NALF1: variants seen among roughly 807,000 people sequenced by gnomAD.
The protein encoded by NALF1 is family with sequence similarity 155 member A.
Under a neutral mutation model 48.4 loss-of-function variants are expected in NALF1, and 3 were observed. The ratio of observed to expected loss-of-function variants is 0.06; its 90% CI spans 0.03 to 0.16. NALF1 has a LOEUF of 0.16. Among genes scored for constraint, NALF1 ranks in the 10% least tolerant of loss-of-function variants. The pLI is 1.00. For missense variants in NALF1, 526 were observed against 571.5 expected (o/e 0.92, Z 0.81); for synonymous variants, 262 against 245.7 (o/e 1.07, Z -0.62).
chr13:107,834,741 C>T (rs1452816136), intron 1 of NALF1, among the ~76,000 whole-genome samples: 1 of 152,194 alleles, frequency 6.6e-6, no homozygotes, highest in African/African-American at 2.4e-5. Flanking sequence ...TATTTCAACT[C>T]TGCTAAGGTA....
chr13:107,599,378 C>T (rs938159919), intron 1 of NALF1, among the ~76,000 whole-genome samples: 7 of 150,100 alleles, frequency 4.7e-5, no homozygotes, highest in Non-Finnish European at 8.9e-5. Flanking sequence ...GCCAAGATTG[C>T]GCCACTGCAC....
intron 2 of NALF1, among the ~76,000 whole-genome samples, chr13:107,175,342 C>T (rs1878905773): frequency 6.6e-6 from 1 of 152,058 alleles, no homozygotes; most frequent in African/African-American, 2.4e-5. Flanking sequence ...CTCTTTCTTC[C>T]ATTGCATCTC....
chr13:107,782,976 A>G (rs1877951242), intron 1 of NALF1, among the ~76,000 whole-genome samples: 1 of 135,044 alleles, frequency 7.4e-6, no homozygotes, highest in Admixed American at 7.3e-5. Flanking sequence ...GTGGGGGGTC[A>G]GCCCCCCGCC....
chr13:107,305,150 C>T (rs1376654084), intron 1 of NALF1, among the ~76,000 whole-genome samples: 1 of 152,162 alleles, frequency 6.6e-6, no homozygotes, highest in African/African-American at 2.4e-5. Flanking sequence ...TAAATCATAC[C>T]TCATTGCAGA....
chr13:107,463,125 C>A (rs149108835), intron 1 of NALF1, among the ~76,000 whole-genome samples: 2 of 152,100 alleles, frequency 1.3e-5, no homozygotes, highest in Non-Finnish European at 2.9e-5. Context: ...TTCATCTCTG[C>A]GTATCTACTA....
intron 1 of NALF1, among the ~76,000 whole-genome samples, chr13:107,333,625 A>G (rs535070127): frequency 6.6e-6 from 1 of 152,344 alleles, no homozygotes; most frequent in South Asian, 2.1e-4. Flanking sequence ...CAACTATAAA[A>G]TCAGCGAACA....
At chr13:107,318,450 T>A (rs1882191886) in intron 1 of NALF1, among the ~76,000 whole-genome samples, 2 of 152,106 alleles carry the variant, frequency 1.3e-5, no homozygotes. Flanking sequence ...TGAGTACCAC[T>A]TTTTTCAAAC....
intron 1 of NALF1, among the ~76,000 whole-genome samples, chr13:107,287,348 C>T (rs1033925666): frequency 9.2e-5 from 14 of 152,156 alleles, no homozygotes; most frequent in Non-Finnish European, 5.9e-5. Flanking sequence ...ATTTGCTTTA[C>T]AAATACTTTC....
intron 1 of NALF1, among the ~76,000 whole-genome samples, chr13:107,849,110 C>A (rs1880247131): frequency 6.6e-6 from 1 of 152,166 alleles, no homozygotes; most frequent in South Asian, 2.1e-4. Context: ...GTAATTAGAG[C>A]ATAATGATGA....
At chr13:107,330,788 C>T (rs1335067654) in intron 1 of NALF1, among the ~76,000 whole-genome samples, 1 of 152,156 alleles carries the variant, frequency 6.6e-6, no homozygotes, top group African/African-American at 2.4e-5. Flanking sequence ...AAATTCAAAC[C>T]CTGTCATGAG....
chr13:107,198,834 C>G (rs917840731), intron 2 of NALF1, among the ~76,000 whole-genome samples: 3 of 152,166 alleles, frequency 2.0e-5, no homozygotes, highest in African/African-American at 7.2e-5. Flanking sequence ...TCATCTTCTT[C>G]CTACATCTAT....
chr13:107,615,007 G>A (rs1879340941), intron 1 of NALF1, among the ~76,000 whole-genome samples: 1 of 151,768 alleles, frequency 6.6e-6, no homozygotes, highest in Non-Finnish European at 1.5e-5. Flanking sequence ...GAACTCCTGA[G>A]CTCAGGTGAC....
rs1042136559 is a variant in NALF1 at position 107,537,877 on chromosome 13, G to C, written c.916-327122C>G. 3.3e-5 allele frequency among the ~76,000 whole-genome samples: 5 copies of C among 152,158 alleles called. No homozygotes were observed. The East Asian group carries it at 5.8e-4, about 18-fold the overall frequency. Reference sequence around the variant, plus strand: ...CACTAAAAATACAAAAATTAGCTGGGCATGGTGGCACATACCTGTAATCCC... The same window carrying C: ...CACTAAAAATACAAAAATTAGCTGGCCATGGTGGCACATACCTGTAATCCC... On this transcript the variant is annotated intron_variant, in intron 1 of 2. Transcript: ENST00000375915.
intron 1 of NALF1, among the ~76,000 whole-genome samples, chr13:107,770,158 C>G (rs981287530): frequency 2.0e-5 from 3 of 152,190 alleles, no homozygotes; most frequent in Middle Eastern, 3.2e-3. Context: ...CGTGATCCAC[C>G]CGCCTCGGCC....
chr13:107,806,531 ATT>A (rs1171086017), intron 1 of NALF1, among the ~76,000 whole-genome samples: 1 of 152,112 alleles, frequency 6.6e-6, no homozygotes, highest in African/African-American at 2.4e-5. Context: ...GGGACTGTTA[ATT>A]TATCTTTAAA....
chr13:107,760,017 C>T (rs1360795717), intron 1 of NALF1, among the ~76,000 whole-genome samples: 3 of 152,010 alleles, frequency 2.0e-5, no homozygotes, highest in African/African-American at 7.3e-5. Flanking sequence ...TACCAAAATA[C>T]CAAATTAGTT....
chr13:107,616,068 C>T (rs181296531), intron 1 of NALF1, among the ~76,000 whole-genome samples: 1 of 152,238 alleles, frequency 6.6e-6, no homozygotes, highest in African/African-American at 2.4e-5. Flanking sequence ...AATGACACCA[C>T]CTCTCTTAAG....
At chr13:107,224,373 A>G (rs892336581) in intron 1 of NALF1, among the ~76,000 whole-genome samples, 1 of 150,746 alleles carries the variant, frequency 6.6e-6, no homozygotes, top group Admixed American at 6.6e-5. Context: ...CATCAATAAG[A>G]TATGTCATTG....
chr13:107,533,491 G>A (rs1408242366), intron 1 of NALF1, among the ~76,000 whole-genome samples: 2 of 152,052 alleles, frequency 1.3e-5, no homozygotes, highest in African/African-American at 4.8e-5. Flanking sequence ...TCCAACAACC[G>A]AACATGCCTG....
Sources: gnomAD v4.1 joint callset for allele counts (sites outside exome capture counted in the v4.1 genomes callset) on GRCh38, gnomAD v4.1.1 for gene constraint, MANE v1.5 for transcripts, NCBI Gene and HGNC (gene_info 2026-07-23, HGNC 2026-07-21) for gene names.